SOS2: variants seen among roughly 807,000 people sequenced by gnomAD.
SOS2 encodes the protein SOS Ras/Rho guanine nucleotide exchange factor 2.
SOS2 carries 65 observed loss-of-function variants against 148.2 expected under a neutral mutation model. The observed-to-expected ratio is 0.44, with a 90% CI of 0.36 to 0.54. SOS2 has a LOEUF of 0.54. Among genes scored for constraint, SOS2 ranks in the 20% least tolerant of loss-of-function variants. The probability of loss-of-function intolerance (pLI) is 0.00; values close to 1 mark genes in which losing one functional copy is unlikely to be tolerated. For missense variants in SOS2, 1,341 were observed against 1,590.2 expected (o/e 0.84, Z 2.67); for synonymous variants, 539 against 537.1 (o/e 1.00, Z -0.05).
intron 21 of SOS2, among the ~76,000 whole-genome samples, chr14:50,120,648 C>T (rs1883471316): frequency 6.6e-6 from 1 of 151,822 alleles, no homozygotes; most frequent in Non-Finnish European, 1.5e-5. Context: ...TGAGATTCTG[C>T]TCCCTGAAAA....
intron 8 of SOS2, among the ~76,000 whole-genome samples, chr14:50,167,585 G>A (rs1467864876): frequency 6.6e-6 from 1 of 151,406 alleles, no homozygotes; most frequent in Non-Finnish European, 1.5e-5. Context: ...TTAACAACTG[G>A]TAGCCAGGCG....
intron 1 of SOS2, among the ~76,000 whole-genome samples, chr14:50,205,346 C>T (rs911151720): frequency 1.3e-5 from 2 of 152,178 alleles, no homozygotes; most frequent in Non-Finnish European, 2.9e-5. Context: ...CCACTGCACC[C>T]AGCCTGCTTT....
At chr14:50,122,784 T>C (rs1172508668) in intron 21 of SOS2, among the ~76,000 whole-genome samples, 1 of 152,214 alleles carries the variant, frequency 6.6e-6, no homozygotes, top group African/African-American at 2.4e-5. Flanking sequence ...ACTTTTTTAG[T>C]GCCTGCATTT....
rs565042318 is a variant in SOS2 at position 50,219,107 on chromosome 14, G to A, written c.87+12090C>T. ...CAGCCTGGCAACAGAGCAAGATTTC[G>A]TCTCAAAAAAAAAAAAAAGTTAAGC... On this transcript the variant is annotated intron_variant, in intron 1 of 22. Transcript: ENST00000216373. Among the ~76,000 whole-genome samples the A allele has an allele frequency of 2.1e-4, 29 of 141,194 alleles. No homozygotes were observed. In the South Asian group the frequency reaches 2.2e-3, roughly 11 times the overall value. 92.6% of individuals were successfully genotyped at this position (141,194 alleles called of 152,430 possible). A position where few individuals can be genotyped will look rare whatever the true frequency, so the allele number is the denominator to read the frequency against.
At chr14:50,211,094 A>AT (rs1886855932) in intron 1 of SOS2, among the ~76,000 whole-genome samples, 1 of 152,138 alleles carries the variant, frequency 6.6e-6, no homozygotes. Context: ...ACAGTCCAAT[A>AT]TAATAGACGC....
intron 5 of SOS2, among the ~76,000 whole-genome samples, chr14:50,184,484 C>G (rs189157861): frequency 1.9e-4 from 29 of 152,132 alleles, no homozygotes; most frequent in Non-Finnish European, 3.5e-4. Flanking sequence ...TGAGTTTATG[C>G]TAATGAGGTT....
intron 20 of SOS2, 32 bp downstream of exon 20, chr14:50,130,469 T>C: frequency 6.3e-7 from 1 of 1,583,502 alleles, no homozygotes; most frequent in Non-Finnish European, 8.6e-7. Context: ...CAGGATTCCT[T>C]TTTTACCAAG....
At chr14:50,224,304 A>AAAAATAT (rs1243000778) in intron 1 of SOS2, among the ~76,000 whole-genome samples, 5 of 62,694 alleles carry the variant, frequency 8.0e-5, no homozygotes, top group Admixed American at 4.8e-4. Context: ...AAAAAAAAAA[A>AAAAATAT]ATATATATAT....
chr14:50,190,188 T>A (rs181275232), intron 4 of SOS2, among the ~76,000 whole-genome samples: 2,136 of 151,680 alleles, frequency 0.014, 40 homozygotes, highest in African/African-American at 0.044. Flanking sequence ...ATACTTTTTT[T>A]TAAAAAAAAT....
At position 50,188,672 on chromosome 14, in the gene SOS2, T is replaced by G; in HGVS notation, c.539A>C (p.Asp180Ala). 6.2e-7 allele frequency: 1 copy of G among 1,603,938 alleles called. No individual in the cohort carries two copies. Reference protein sequence around the residue: ...KVLMDMFDQDDIGLVSLCEDE... With the variant: ...KVLMDMFDQDAIGLVSLCEDE... The stretch of plus-strand genomic sequence containing the variant: ...TTCACAGAGAGAAACCAAACCTATG[T>G]CATCCTGATCAAACATGTCCATCAA... The change falls in exon 5 of 23, where the codon GAC becomes GCC. Residue 180 changes from aspartate to alanine, a missense_variant. Transcript: ENST00000216373.
chr14:50,151,859 G>A (rs1184844850), intron 13 of SOS2, among the ~76,000 whole-genome samples: 1 of 152,110 alleles, frequency 6.6e-6, no homozygotes, highest in African/African-American at 2.4e-5. Flanking sequence ...GAGTAGCTGG[G>A]ACTACAGGCA....
intron 7 of SOS2, among the ~76,000 whole-genome samples, chr14:50,174,901 A>G (rs1206414310): frequency 6.6e-6 from 1 of 152,258 alleles, no homozygotes; most frequent in Non-Finnish European, 1.5e-5. Flanking sequence ...AAATAGTTAC[A>G]AAAGATGCAT....
intron 7 of SOS2, among the ~76,000 whole-genome samples, chr14:50,175,572 T>G (rs1885497874): frequency 6.6e-6 from 1 of 151,752 alleles, no homozygotes; most frequent in South Asian, 2.1e-4. Flanking sequence ...AAACAAGATC[T>G]CCGAAGACTA....
chr14:50,197,014 C>T (rs1322892015), intron 4 of SOS2, among the ~76,000 whole-genome samples: 1 of 151,974 alleles, frequency 6.6e-6, no homozygotes, highest in East Asian at 1.9e-4. Flanking sequence ...ACTATAGTCA[C>T]AAGCACACGC....
At chr14:50,155,794 C>T (rs1884793531) in intron 12 of SOS2, 1 of 152,142 alleles carries the variant, frequency 6.6e-6, no homozygotes, top group African/African-American at 2.4e-5. Flanking sequence ...GAAGATTATA[C>T]TCCCACCCCC....
chr14:50,174,360 T>C lies in SOS2; in HGVS notation c.1068+94A>G, dbSNP rs1885459644. 2.5e-5 allele frequency: 12 copies of C among 479,822 alleles called. No individual in the cohort carries two copies. The East Asian group carries it at 3.8e-4, about 15-fold the overall frequency. 29.7% of individuals were successfully genotyped at this position (479,822 alleles called of 1,614,324 possible). ...ATTAAATACTTACATAAAATAAGAA[T>C]TAAAAGACTGGTACTGTGTGTCTCC... On this transcript the variant is annotated intron_variant, in intron 8 of 22. Coordinates refer to ENST00000216373, the MANE Select transcript of SOS2 (RefSeq NM_006939.4).
At chr14:50,203,559 A>G (rs1886566085) in intron 2 of SOS2, among the ~76,000 whole-genome samples, 1 of 151,212 alleles carries the variant, frequency 6.6e-6, no homozygotes, top group Admixed American at 6.7e-5. Flanking sequence ...AGGCAAAACA[A>G]TTATTTTAGT....
In SOS2 at chr14:50,130,554, G is replaced by A; in HGVS notation, c.3284C>T (p.Ser1095Phe). 6.2e-7 allele frequency: 1 copy of A among 1,613,912 alleles called. No individual in the cohort carries two copies. Among genetic ancestry groups the A allele is most frequent in the Non-Finnish European group, 8.5e-7 (1 of 1,179,772 alleles). ...SPNTPSTPPVSASSDLSVFLD... is the reference protein window; with the variant it reads ...SPNTPSTPPVFASSDLSVFLD... The stretch of plus-strand genomic sequence containing the variant: ...AAATACACTAAGGTCTGAAGAAGCA[G>A]ATACTGGTGGAGTAGATGGTGTATT... The change falls in exon 20 of 23, where the codon TCT (serine) becomes TTT (phenylalanine). Residue 1095 changes from serine (S) to phenylalanine (F), a missense_variant. By Grantham distance (155) the Ser-to-Phe change is radical. Coordinates refer to ENST00000216373, the MANE Select transcript of SOS2 (RefSeq NM_006939.4).
At chr14:50,196,142 G>A (rs1392593999) in intron 4 of SOS2, among the ~76,000 whole-genome samples, 1 of 152,236 alleles carries the variant, frequency 6.6e-6, no homozygotes, top group Non-Finnish European at 1.5e-5. Flanking sequence ...GTGGTTACCA[G>A]AGGCTGAAGG....
Sources: allele counts gnomAD v4.1 joint callset (sites outside exome capture counted in the v4.1 genomes callset), GRCh38; gene constraint gnomAD v4.1.1; transcripts MANE v1.5; gene names NCBI Gene and HGNC (gene_info 2026-07-23, HGNC 2026-07-21).